Variants in ANK3 observed in about 807,000 individuals in gnomAD.
ANK3 encodes the protein ankyrin-3.
In ANK3, 57 loss-of-function variants were observed where a neutral mutation model predicts 370.9. The observed-to-expected ratio is 0.15, with a 90% CI of 0.12 to 0.19. ANK3 has a LOEUF of 0.19. Ranked by LOEUF, ANK3 falls within the 10% of genes least tolerant of loss-of-function variation. The pLI, the probability that ANK3 is intolerant of heterozygous loss-of-function variation, is 1.00. For synonymous variants in ANK3, 1,929 were observed against 1,946.3 expected, an observed-to-expected ratio of 0.99 and a Z score of 0.23; for missense variants, 4,439 against 5,302.1, an observed-to-expected ratio of 0.84 and a Z score of 5.06.
In ANK3 at chr10:60,350,491, G is replaced by A. The variant is rs78944538; in HGVS notation, c.114+38934C>T. Among the ~76,000 whole-genome samples, 25 of 152,312 alleles carry A rather than the reference G, an allele frequency of 1.6e-4. No homozygotes were observed. The East Asian group carries it at 4.6e-3, about 28-fold the overall frequency. On this transcript the variant is annotated intron_variant, in intron 1 of 43. Transcript: ENST00000280772. Reference sequence around the variant, plus strand: ...GACAGATAAGAAGTAATTTACAGAAGCTATTCCAAGTTTGTCTCATGTAAT... The same window carrying A: ...GACAGATAAGAAGTAATTTACAGAAACTATTCCAAGTTTGTCTCATGTAAT...
chr10:60,399,401 C>A (rs555416914), intron 2 of ANK3, among the ~76,000 whole-genome samples: 15 of 152,244 alleles, frequency 9.9e-5, no homozygotes, highest in African/African-American at 3.6e-4. Context: ...TCCCACCACG[C>A]ATGCACAAAA....
At chr10:60,384,850 T>C (rs572313312) in intron 1 of ANK3, among the ~76,000 whole-genome samples, 5 of 152,206 alleles carry the variant, frequency 3.3e-5, no homozygotes, top group Non-Finnish European at 2.9e-5. Flanking sequence ...CCGATCTCTC[T>C]CTCACATCCT....
intron 24 of ANK3, among the ~76,000 whole-genome samples, chr10:60,135,127 T>C (rs2094277394): frequency 6.6e-6 from 1 of 151,720 alleles, no homozygotes; most frequent in African/African-American, 2.4e-5. Context: ...CTCAATAGAG[T>C]CAGGGCCCTT....
At chr10:60,455,838 A>C (rs1459638752) in intron 2 of ANK3, among the ~76,000 whole-genome samples, 1 of 152,192 alleles carries the variant, frequency 6.6e-6, no homozygotes, top group African/African-American at 2.4e-5. Flanking sequence ...GTCTTCATAG[A>C]ATCAGTCCTT....
At chr10:60,259,204 T>C (rs1341376535) in intron 7 of ANK3, among the ~76,000 whole-genome samples, 2 of 152,224 alleles carry the variant, frequency 1.3e-5, no homozygotes, top group East Asian at 1.9e-4. Flanking sequence ...AATGGATTGC[T>C]TGAGGCAGCT....
chr10:60,492,721 AAAAG>A (rs1208590920), intron 2 of ANK3, among the ~76,000 whole-genome samples: 25 of 141,946 alleles, frequency 1.8e-4, no homozygotes, highest in African/African-American at 4.9e-4. Context: ...AAAAAAAAAA[AAAAG>A]AAAGAAAGAA....
chr10:60,566,800 A>G (rs1202094124), intron 2 of ANK3, among the ~76,000 whole-genome samples: 3 of 152,186 alleles, frequency 2.0e-5, no homozygotes, highest in Non-Finnish European at 2.9e-5. Context: ...GCTGGAACCC[A>G]GGAGTTTGAG....
intron 1 of ANK3, among the ~76,000 whole-genome samples, chr10:60,697,636 A>G (rs1164793259): frequency 1.2e-3 from 171 of 146,626 alleles, no homozygotes; most frequent in African/African-American, 4.0e-3. Context: ...CAAACCTGAG[A>G]AAAACAAGCA....
Position 60,448,245 on chromosome 10 carries a change from G to A in ANK3, c.96+166941C>T, listed in dbSNP as rs535326316. 7.2e-5 allele frequency among the ~76,000 whole-genome samples: 11 copies of A among 152,242 alleles called. No homozygotes were observed. In the South Asian group the frequency reaches 1.5e-3, roughly 20 times the overall value. ...AGATTCATTATTATTTCTGGGAATC[G>A]GCAATCAGAGAGACTCCGAGCACTG... On this transcript the variant is annotated intron_variant, in intron 2 of 43. Coordinates refer to the ANK3 transcript ENST00000373827.
intron 1 of ANK3, among the ~76,000 whole-genome samples, chr10:60,372,975 C>G (rs1209673290): frequency 6.6e-6 from 1 of 152,138 alleles, no homozygotes; most frequent in Admixed American, 6.5e-5. Context: ...AAAATAGAGG[C>G]ATGATCAGTA....
intron 4 of ANK3, among the ~76,000 whole-genome samples, chr10:60,275,193 T>A (rs1357535264): frequency 6.6e-6 from 1 of 152,218 alleles, no homozygotes; most frequent in Non-Finnish European, 1.5e-5. Context: ...AACAACAGAT[T>A]AAATTCTCAA....
chr10:60,100,256 T>TTTTTTTTTTTTCCC (rs34947048), intron 28 of ANK3, among the ~76,000 whole-genome samples: 1 of 146,276 alleles, frequency 6.8e-6, no homozygotes, highest in Non-Finnish European at 1.5e-5. Flanking sequence ...TTTTTTTTTT[T>TTTTTTTTTTTTCCC]GCACCCCAAC....
In ANK3 at chr10:60,069,564, C is replaced by A; in HGVS notation, c.11317G>T (p.Val3773Phe). The change falls in exon 37 of 44, where the codon GTT becomes TTT. Residue 3773 changes from valine (V) to phenylalanine (F), a missense_variant. By Grantham distance (50) the Val-to-Phe change is conservative (BLOSUM62 -1). This residue lies in a region of ANK3 where 496 missense variants were observed against 529.3 expected (regional missense o/e 0.94). Transcript: ENST00000280772. ...AAATCATGTTTTTCATGGGGCCTAA[C>A]GCCCATCTGGCTATTGGCTGTATTT... ...ISNTANSQMG[V>F]RPHEKHDFQK... 6.2e-7 allele frequency: 1 copy of A among 1,613,572 alleles called. No homozygotes were observed. Among genetic ancestry groups the A allele is most frequent in the Non-Finnish European group, 8.5e-7 (1 of 1,179,910 alleles).
intron 25 of ANK3, among the ~76,000 whole-genome samples, chr10:60,126,650 T>TG (rs2093773887): frequency 6.7e-6 from 1 of 150,234 alleles, no homozygotes; most frequent in South Asian, 2.1e-4. Context: ...GTCATGCCAC[T>TG]GCACTCCAGC....
chr10:60,576,073 A>G (rs1452658014), intron 2 of ANK3, among the ~76,000 whole-genome samples: 2 of 152,318 alleles, frequency 1.3e-5, no homozygotes, highest in East Asian at 3.9e-4. Context: ...CCAAATTATA[A>G]AATTCCCTCA....
intron 2 of ANK3, among the ~76,000 whole-genome samples, chr10:60,562,431 G>T (rs984809365): frequency 2.0e-5 from 3 of 151,822 alleles, no homozygotes; most frequent in African/African-American, 7.3e-5. Flanking sequence ...CGTGGGGTAG[G>T]GGGATGGAGT....
intron 8 of ANK3, among the ~76,000 whole-genome samples, chr10:60,227,626 G>T (rs2097182877): frequency 6.6e-6 from 1 of 151,904 alleles, no homozygotes; most frequent in Non-Finnish European, 1.5e-5. Context: ...TTCTTTCTGT[G>T]CTTTAGTATG....
In ANK3 at chr10:60,070,708, G is replaced by T; in HGVS notation, c.10173C>A (p.Ser3391=). 1.9e-6 allele frequency: 3 copies of T among 1,614,144 alleles called. No homozygotes were observed. The highest frequency in any genetic ancestry group is 2.2e-5 in the South Asian group (2 of 91,086). Residue 3391 remains serine, a synonymous_variant, in exon 37 of 44, where the codon TCC becomes TCA. Coordinates refer to ENST00000280772, the MANE Select transcript of ANK3 (RefSeq NM_020987.5). This position sits in a 1 kb window ranked among gnomAD's most constrained non-coding sequence, Gnocchi z 5.7. ...TGGTGGCAATGGAACACTCTGTGAT[G>T]GACTGGTCGTTGTTCCCATTCTGGG... ...EIAQNGNNDQ[S]ITECSIATTA...
chr10:60,619,715 T>C (rs936537659), intron 1 of ANK3, among the ~76,000 whole-genome samples: 1 of 152,160 alleles, frequency 6.6e-6, no homozygotes, highest in African/African-American at 2.4e-5. Flanking sequence ...AATGAGCGAA[T>C]TGCCTGGAGT....
Sources: allele counts gnomAD v4.1 joint callset (sites outside exome capture counted in the v4.1 genomes callset), GRCh38; gene constraint gnomAD v4.1.1; regional missense constraint gnomAD v4.1.1; non-coding constraint Gnocchi (gnomAD v3.1); transcripts MANE v1.5; gene names NCBI Gene and HGNC (gene_info 2026-07-23, HGNC 2026-07-21).